The following NTN4 variants were observed in gnomAD, a reference collection of about 807,000 sequenced individuals.
NTN4 encodes netrin-4.
In NTN4, 32 loss-of-function variants were observed where a neutral mutation model predicts 73.6. The observed-to-expected ratio is 0.44, with a 90% confidence interval of 0.33 to 0.58. The LOEUF is 0.58. Among genes scored for constraint, NTN4 ranks in the 20% least tolerant of loss-of-function variants. NTN4 has a pLI of 0.04. For missense variants in NTN4, 654 were observed against 798.3 expected (o/e 0.82, Z 2.18); for synonymous variants, 258 against 287.5 (o/e 0.90, Z 1.04).
intron 9 of NTN4, among the ~76,000 whole-genome samples, chr12:95,662,281 C>T (rs962512992): frequency 1.5e-5 from 2 of 135,834 alleles, no homozygotes; most frequent in Admixed American, 8.5e-5. Flanking sequence ...CCCAGGCTGA[C>T]GTGCAGTGGC....
intron 3 of NTN4, among the ~76,000 whole-genome samples, chr12:95,716,638 T>C (rs1288142418): frequency 6.6e-6 from 1 of 152,142 alleles, no homozygotes; most frequent in Non-Finnish European, 1.5e-5. Flanking sequence ...CTTCTCCAGC[T>C]TTCCCCCCAG....
chr12:95,749,496 C>T (rs951144205), intron 2 of NTN4, among the ~76,000 whole-genome samples: 11 of 152,192 alleles, frequency 7.2e-5, no homozygotes, highest in African/African-American at 2.7e-4. Context: ...TTTCTCCTTT[C>T]CACTCTTCAA....
At chr12:95,679,449 A>ATT (rs2078298850) in intron 7 of NTN4, among the ~76,000 whole-genome samples, 1 of 151,962 alleles carries the variant, frequency 6.6e-6, no homozygotes. Context: ...GATAACTGCT[A>ATT]CTCTTCCAGT....
In NTN4 at chr12:95,712,057, G is replaced by A. The variant is rs998463336; in HGVS notation, c.991+1155C>T. Among the ~76,000 whole-genome samples, 5 of 152,138 alleles carry A rather than the reference G, an allele frequency of 3.3e-5. No individual in the cohort carries two copies. The East Asian group carries it at 5.8e-4, about 18-fold the overall frequency. ...CAAATCAGTTATGACTCCAAATTACGTATGGGAAGAGACTTCTCACAGTTT... is the reference window on the plus strand; with the variant it reads ...CAAATCAGTTATGACTCCAAATTACATATGGGAAGAGACTTCTCACAGTTT... On this transcript the variant is annotated intron_variant, in intron 4 of 9. Transcript: ENST00000343702.
intron 4 of NTN4, among the ~76,000 whole-genome samples, chr12:95,712,186 A>G (rs552284859): frequency 8.1e-4 from 124 of 152,232 alleles, no homozygotes; most frequent in Non-Finnish European, 1.6e-3. Context: ...TTGCAAAGAA[A>G]AAAATGGCTC....
At chr12:95,677,891 G>A (rs1480088317) in intron 7 of NTN4, among the ~76,000 whole-genome samples, 1 of 152,200 alleles carries the variant, frequency 6.6e-6, no homozygotes, top group African/African-American at 2.4e-5. Context: ...GCACACGTAT[G>A]TTTATTGCAG....
chr12:95,747,294 G>A (rs2078869448), intron 2 of NTN4, among the ~76,000 whole-genome samples: 1 of 152,002 alleles, frequency 6.6e-6, no homozygotes, highest in South Asian at 2.1e-4. Flanking sequence ...AATAATTTGT[G>A]ATACCTATTA....
intron 5 of NTN4, among the ~76,000 whole-genome samples, chr12:95,701,406 G>A (rs1043477910): frequency 1.3e-5 from 2 of 151,954 alleles, no homozygotes; most frequent in African/African-American, 4.8e-5. Context: ...TAAATGCACT[G>A]TCCTTTCAAA....
chr12:95,672,948 C>A (rs761792191), intron 7 of NTN4: 121 of 1,120,434 alleles, frequency 1.1e-4, no homozygotes, highest in Non-Finnish European at 1.6e-4. Flanking sequence ...CTGGTATTCC[C>A]ATTGTCTGTA....
At chr12:95,784,649 C>T (rs1458899456) in intron 2 of NTN4, among the ~76,000 whole-genome samples, 1 of 151,980 alleles carries the variant, frequency 6.6e-6, no homozygotes, top group East Asian at 1.9e-4. Flanking sequence ...CACCTGTAAT[C>T]CCAGGTACTC....
At chr12:95,687,384 A>ATTT (rs957571119) in intron 5 of NTN4, among the ~76,000 whole-genome samples, 2 of 150,652 alleles carry the variant, frequency 1.3e-5, no homozygotes, top group Non-Finnish European at 3.0e-5. Flanking sequence ...GTGAAAAAAA[A>ATTT]TTTTTTTTTT....
At chr12:95,737,659 G>T (rs2121174821) in intron 3 of NTN4, among the ~76,000 whole-genome samples, 1 of 152,232 alleles carries the variant, frequency 6.6e-6, no homozygotes, top group Admixed American at 6.5e-5. Context: ...GTTTTCCAAG[G>T]AATCTGGTTA....
chr12:95,730,892 T>C (rs1339434627), intron 3 of NTN4, among the ~76,000 whole-genome samples: 1 of 152,174 alleles, frequency 6.6e-6, no homozygotes, highest in Non-Finnish European at 1.5e-5. Flanking sequence ...GATCCTAATG[T>C]GACAAATTAA....
intron 5 of NTN4, among the ~76,000 whole-genome samples, chr12:95,688,316 G>A (rs2078377302): frequency 6.6e-6 from 1 of 152,106 alleles, no homozygotes; most frequent in East Asian, 1.9e-4. Context: ...ATCTGGAAGA[G>A]GAAGAAAGAG....
intron 2 of NTN4, among the ~76,000 whole-genome samples, chr12:95,780,443 C>T (rs1054146212): frequency 2.0e-4 from 30 of 152,104 alleles, no homozygotes; most frequent in African/African-American, 6.8e-4. Flanking sequence ...AGAACTCAAA[C>T]AAATTTACCA....
At chr12:95,724,333 T>C (rs936210087) in intron 3 of NTN4, among the ~76,000 whole-genome samples, 4 of 152,218 alleles carry the variant, frequency 2.6e-5, no homozygotes, top group African/African-American at 9.6e-5. Flanking sequence ...TATAGAACTG[T>C]TTCTTATTCT....
At chr12:95,667,490 T>C (rs1258874142) in intron 8 of NTN4, among the ~76,000 whole-genome samples, 4 of 152,136 alleles carry the variant, frequency 2.6e-5, no homozygotes, top group Non-Finnish European at 5.9e-5. Flanking sequence ...GCTATCTTTA[T>C]GGAGTCATCA....
Position 95,658,893 on chromosome 12 carries a change from A to AT in NTN4, c.*192dup, listed in dbSNP as rs1252595237. ...AACAGATATCAGTGTAGGGGTTTTC[A>AT]TTTCTCTTCATGAAATAAAACTGTA... On this transcript the variant is annotated 3_prime_UTR_variant, in exon 10 of 10. Coordinates refer to ENST00000343702, the MANE Select transcript of NTN4 (RefSeq NM_021229.4). 2.0e-6 allele frequency: 1 copy of AT among 494,124 alleles called. No homozygotes were observed. The highest frequency in any genetic ancestry group is 2.0e-5 in the African/African-American group (1 of 50,600). 30.6% of individuals were successfully genotyped at this position (494,124 alleles called of 1,614,324 possible).
rs750769630 is a variant in NTN4 at position 95,713,220 on chromosome 12, T to G, written c.983A>C (p.Glu328Ala). Residue 328 changes from glutamate to alanine, a missense_variant, in exon 4 of 10, where the codon GAG becomes GCG. Physicochemically the swap from Glu to Ala is moderately radical, Grantham distance 107. Coordinates refer to ENST00000343702, the MANE Select transcript of NTN4 (RefSeq NM_021229.4). ...GTGGGCTTGTTACTTACTTCTGCAC[T>G]CGTTGGGAGCCCCCGTTTTGCCATC... is the stretch of plus-strand genomic sequence containing the variant. ...AADGKTGAPN[E>A]CRTCKCNGHA... The G allele has an allele frequency of 6.2e-7, 1 of 1,613,216 alleles. No individual in the cohort carries two copies. Among genetic ancestry groups the G allele is most frequent in the Non-Finnish European group, 8.5e-7 (1 of 1,179,250 alleles).
Sources: allele counts gnomAD v4.1 joint callset (sites outside exome capture counted in the v4.1 genomes callset), GRCh38; gene constraint gnomAD v4.1.1; transcripts MANE v1.5; gene names NCBI Gene and HGNC (gene_info 2026-07-23, HGNC 2026-07-21).